The following CCT3 variants were observed in gnomAD, a reference collection of about 807,000 sequenced individuals.
The protein encoded by CCT3 is chaperonin containing TCP1 subunit 3.
A neutral mutation model predicts 65.3 loss-of-function variants in CCT3; 10 were observed. The ratio of observed to expected loss-of-function variants is 0.15; its 90% CI spans 0.09 to 0.26. CCT3 has a LOEUF of 0.26. Ranked by LOEUF, CCT3 falls within the 10% of genes least tolerant of loss-of-function variation. The pLI is 1.00. For missense variants in CCT3, 626 were observed against 708.7 expected, an observed-to-expected ratio of 0.88 and a Z score of 1.33; for synonymous variants, 225 against 242.3, an observed-to-expected ratio of 0.93 and a Z score of 0.66.
In CCT3 at chr1:156,321,061, G is replaced by A. The variant is rs759817327; in HGVS notation, c.423-36C>T. The A allele has an allele frequency of 1.8e-5, 28 of 1,561,980 alleles. No homozygotes were observed. In the South Asian group the frequency reaches 3.0e-4, roughly 17 times the overall value. On this transcript the variant is annotated intron_variant, in intron 6 of 13. Coordinates refer to ENST00000295688, the MANE Select transcript of CCT3 (RefSeq NM_005998.5). ...GAAAACCAGACGATATGTGAAGAAGGCATGTTAGATATGTAGAGATGTGCC... is the reference window on the plus strand; with the variant it reads ...GAAAACCAGACGATATGTGAAGAAGACATGTTAGATATGTAGAGATGTGCC...
intron 5 of CCT3, among the ~76,000 whole-genome samples, chr1:156,332,005 C>G (rs1050677731): frequency 6.6e-6 from 1 of 151,250 alleles, no homozygotes; most frequent in African/African-American, 2.4e-5. Context: ...GCACTCCAGC[C>G]TGGGCAACAA....
intron 6 of CCT3, among the ~76,000 whole-genome samples, chr1:156,321,726 T>C (rs1488386109): frequency 6.6e-6 from 1 of 151,938 alleles, no homozygotes; most frequent in African/African-American, 2.4e-5. Context: ...ATACAAAAAT[T>C]AGCCAGGAGT....
intron 7 of CCT3, among the ~76,000 whole-genome samples, chr1:156,319,478 A>AT (rs1320368911): frequency 6.6e-6 from 1 of 151,982 alleles, no homozygotes; most frequent in Admixed American, 6.6e-5. Context: ...TTGGAATCAC[A>AT]TTTTTTTCCC....
At chr1:156,321,968 A>T (rs898856642) in intron 6 of CCT3, among the ~76,000 whole-genome samples, 2 of 152,208 alleles carry the variant, frequency 1.3e-5, no homozygotes, top group African/African-American at 4.8e-5. Context: ...TATCTAAGAT[A>T]AAGGGGGCTG....
intron 13 of CCT3, 74 bp downstream of exon 13, chr1:156,310,484 C>A: frequency 8.9e-7 from 1 of 1,127,224 alleles, no homozygotes; most frequent in Non-Finnish European, 1.2e-6. Context: ...ACTGAGACTG[C>A]GTCTCAAAAA....
chr1:156,310,897 G>T (rs1664058575), intron 12 of CCT3, 53 bp downstream of exon 12: 2 of 1,587,816 alleles, frequency 1.3e-6, no homozygotes, highest in South Asian at 1.1e-5. Flanking sequence ...TCCCCTCAGG[G>T]CAAACACAGC....
At position 156,338,110 on chromosome 1, in the gene CCT3, G is replaced by A. The variant is rs375555758; in HGVS notation, c.31+44C>T. 30 of 1,566,676 alleles carry A rather than the reference G, an allele frequency of 1.9e-5. No individual in the cohort carries two copies. The African/African-American group carries it at 2.8e-4, about 15-fold the overall frequency. On this transcript the variant is annotated intron_variant, in intron 1 of 13. Transcript: ENST00000295688. ...GCAACACTGAAAAGTATGGACAGAAGAGGGCGAAAAGGGGGTCCATTTCCT... is the reference window on the plus strand; with the variant it reads ...GCAACACTGAAAAGTATGGACAGAAAAGGGCGAAAAGGGGGTCCATTTCCT...
chr1:156,314,985 CA>C (rs1664247164), intron 10 of CCT3, among the ~76,000 whole-genome samples: 1 of 152,056 alleles, frequency 6.6e-6, no homozygotes, highest in Non-Finnish European at 1.5e-5. Context: ...TTTAGAGAAA[CA>C]AAAAAGCAGA....
intron 1 of CCT3, 189 bp from the exon 2 acceptor site, chr1:156,336,077 C>T (rs1404071512): frequency 4.1e-6 from 2 of 483,276 alleles, no homozygotes; most frequent in Admixed American, 7.4e-5. Flanking sequence ...AAACTGTAAA[C>T]ATATGTCCTT....
intron 8 of CCT3, among the ~76,000 whole-genome samples, chr1:156,318,224 A>ATT (rs58622068): frequency 0.01 from 1,334 of 130,538 alleles, 27 homozygotes; most frequent in African/African-American, 0.028. Flanking sequence ...GCCCTCTAGA[A>ATT]TTTTTTTTTT....
At chr1:156,322,798 G>A (rs1472398618) in intron 6 of CCT3, among the ~76,000 whole-genome samples, 1 of 152,132 alleles carries the variant, frequency 6.6e-6, no homozygotes, top group Admixed American at 6.5e-5. Flanking sequence ...AGCAGAGGTT[G>A]TAGTGAGCTG....
chr1:156,312,841 A>G (rs1664140894), intron 10 of CCT3, among the ~76,000 whole-genome samples: 1 of 152,232 alleles, frequency 6.6e-6, no homozygotes. Flanking sequence ...ATACCTATAT[A>G]CACTAATATG....
chr1:156,331,390 T>C (rs1357236942), intron 5 of CCT3, among the ~76,000 whole-genome samples: 10 of 152,076 alleles, frequency 6.6e-5, no homozygotes, highest in Non-Finnish European at 1.5e-4. Flanking sequence ...CACTATAAAT[T>C]AGCATCCCTT....
intron 13 of CCT3, 148 bp from the exon 14 acceptor site, chr1:156,309,451 A>G: frequency 1.6e-6 from 1 of 606,210 alleles, no homozygotes; most frequent in Non-Finnish European, 2.9e-6. Flanking sequence ...TTTGAGACGC[A>G]GTTTCCCTCT....
At chr1:156,317,049 T>G in intron 10 of CCT3, 117 bp downstream of exon 10, 1 of 896,554 alleles carries the variant, frequency 1.1e-6, no homozygotes, top group Non-Finnish European at 1.8e-6. Context: ...AAGCCAAGGT[T>G]ATTTCTACCT....
chr1:156,330,387 C>T (rs1012803287), intron 5 of CCT3, among the ~76,000 whole-genome samples: 7 of 152,144 alleles, frequency 4.6e-5, no homozygotes, highest in East Asian at 1.9e-4. Context: ...TAGGGCCAGG[C>T]GCTATGGCTC....
rs116261488 is a variant in CCT3, at chr1:156,335,042, T to A, written c.94-124A>T. On this transcript the variant is annotated intron_variant, in intron 2 of 13. Coordinates refer to ENST00000295688, the MANE Select transcript of CCT3 (RefSeq NM_005998.5). ...TCAGTGTTTTATTTTATTTTAATTT[T>A]ATTTTATTTTTAGATATGGGGTCTC... is the stretch of plus-strand genomic sequence containing the variant. The A allele has an allele frequency of 2.9e-3, 2,290 of 785,648 alleles. 39 individuals are homozygous for A. In the African/African-American group the frequency reaches 0.036, roughly 12 times the overall value. The allele number at this position is 785,648 out of a possible 1,614,324, so 48.7% of individuals were successfully genotyped here.
intron 5 of CCT3, among the ~76,000 whole-genome samples, chr1:156,332,049 AT>A (rs1278343465): frequency 6.7e-6 from 1 of 148,762 alleles, no homozygotes; most frequent in Non-Finnish European, 1.5e-5. Context: ...AAAAAGAGAC[AT>A]GGTCTTGCTT....
chr1:156,327,172 A>C (rs1291681356), intron 5 of CCT3, among the ~76,000 whole-genome samples: 1 of 152,224 alleles, frequency 6.6e-6, no homozygotes, highest in Non-Finnish European at 1.5e-5. Flanking sequence ...GAGTATTGTA[A>C]ATATTCTTTT....
Sources: gnomAD v4.1 joint callset for allele counts (sites outside exome capture counted in the v4.1 genomes callset) on GRCh38, gnomAD v4.1.1 for gene constraint, MANE v1.5 for transcripts, NCBI Gene and HGNC (gene_info 2026-07-23, HGNC 2026-07-21) for gene names.